The following CHRFAM7A variants were observed in gnomAD, a reference collection of about 807,000 sequenced individuals.
CHRFAM7A encodes the protein CHRNA7-FAM7A fusion protein.
A neutral mutation model predicts 29.2 loss-of-function variants in CHRFAM7A; 3 were observed. That is an observed-to-expected ratio of 0.10 (90% CI 0.05 to 0.27). The LOEUF (loss-of-function observed/expected upper bound fraction) is 0.27. Ranked by LOEUF, CHRFAM7A falls within the 10% of genes least tolerant of loss-of-function variation. The pLI is 1.00. For synonymous variants in CHRFAM7A, 7 were observed against 135.4 expected (o/e 0.05, Z 6.58); for missense variants, 22 against 328.0 (o/e 0.07, Z 7.21).
At chr15:30,367,339 T>C (rs1473972282) in intron 9 of CHRFAM7A, 79 bp downstream of exon 9, 1 of 1,522,898 alleles carries the variant, frequency 6.6e-7, no homozygotes, top group African/African-American at 1.4e-5. Context: ...CCGTTTTTTG[T>C]GTGATTTTAA....
At chr15:30,376,124 G>GGTGTGTGT (rs112532606) in intron 5 of CHRFAM7A, among the ~76,000 whole-genome samples, 5 of 147,582 alleles carry the variant, frequency 3.4e-5, no homozygotes, top group African/African-American at 1.0e-4. Flanking sequence ...AGTACTGAGT[G>GGTGTGTGT]GTGTGTGTGT....
chr15:30,367,017 C>T (rs2058792343), intron 9 of CHRFAM7A, among the ~76,000 whole-genome samples: 2 of 149,322 alleles, frequency 1.3e-5, no homozygotes, highest in African/African-American at 2.5e-5. Context: ...GGAACAATGG[C>T]TCACACCTGT....
At chr15:30,377,562 G>A (rs927228872) in intron 4 of CHRFAM7A, among the ~76,000 whole-genome samples, 3 of 93,226 alleles carry the variant, frequency 3.2e-5, no homozygotes, top group African/African-American at 1.0e-4. Flanking sequence ...CTTGGTTTGT[G>A]CTTCACATAT....
In CHRFAM7A at chr15:30,363,158, C is replaced by T. The variant is rs1442692378; in HGVS notation, c.721-347G>A. Among the ~76,000 whole-genome samples the T allele has an allele frequency of 1.1e-4, 16 of 149,366 alleles. No individual in the cohort carries two copies. The East Asian group carries it at 1.6e-3, about 15-fold the overall frequency. On this transcript the variant is annotated intron_variant, in intron 9 of 9. Transcript: ENST00000299847. The stretch of plus-strand genomic sequence containing the variant: ...CTCTGATCCTTCCTCATCTGTAACC[C>T]GGGGACCTTCAGATCTAACTCTGGC...
chr15:30,378,023 G>A lies in CHRFAM7A; in HGVS notation c.81-914C>T, dbSNP rs954590051. Among the ~76,000 whole-genome samples the A allele has an allele frequency of 4.4e-4, 33 of 74,878 alleles. 3 individuals are homozygous for A. The East Asian group carries it at 0.011, about 24-fold the overall frequency. 49.1% of individuals were successfully genotyped at this position (74,878 alleles called of 152,430 possible). On this transcript the variant is annotated intron_variant, in intron 4 of 9. Coordinates refer to ENST00000299847, the MANE Select transcript of CHRFAM7A (RefSeq NM_139320.2). The stretch of plus-strand genomic sequence containing the variant: ...AACACATTGACTGGGATTATCTATT[G>A]ATACAATGTTTTTTTAAGAGTATTT...
At chr15:30,376,017 G>A (rs1156506443) in intron 5 of CHRFAM7A, among the ~76,000 whole-genome samples, 1 of 152,056 alleles carries the variant, frequency 6.6e-6, no homozygotes, top group Admixed American at 6.5e-5. Context: ...TGAGTGGTGT[G>A]TGTGATTGTG....
At chr15:30,370,750 CTG>C (rs1482904149) in intron 8 of CHRFAM7A, among the ~76,000 whole-genome samples, 1 of 130,240 alleles carries the variant, frequency 7.7e-6, no homozygotes, top group Non-Finnish European at 1.6e-5. Context: ...GACACAGTAA[CTG>C]TGTGCTTCTC....
At chr15:30,375,929 TGAGTCG>T (rs2058926949) in intron 5 of CHRFAM7A, among the ~76,000 whole-genome samples, 1 of 19,198 alleles carries the variant, frequency 5.2e-5, no homozygotes, top group African/African-American at 1.6e-4. Context: ...GTGTGTGTGT[TGAGTCG>T]TGTGGGTGGT....
chr15:30,371,599 A>C (rs1241828387), intron 7 of CHRFAM7A, among the ~76,000 whole-genome samples: 1 of 149,820 alleles, frequency 6.7e-6, no homozygotes, highest in East Asian at 1.9e-4. Flanking sequence ...TACAACATTC[A>C]ACCTTTCTGA....
At chr15:30,375,838 C>T (rs1301821614) in intron 5 of CHRFAM7A, among the ~76,000 whole-genome samples, 1 of 104,818 alleles carries the variant, frequency 9.5e-6, no homozygotes, top group Admixed American at 9.3e-5. Context: ...AGTGTTGAGT[C>T]GTGTGGGTGG....
At chr15:30,376,104 GGT>G (rs767164996) in intron 5 of CHRFAM7A, among the ~76,000 whole-genome samples, 6 of 150,302 alleles carry the variant, frequency 4.0e-5, no homozygotes, top group Non-Finnish European at 5.9e-5. Flanking sequence ...TGGTGTGAGT[GGT>G]GTGTGTGAGT....
At chr15:30,368,935 CA>C (rs972963755) in intron 8 of CHRFAM7A, among the ~76,000 whole-genome samples, 4 of 124,632 alleles carry the variant, frequency 3.2e-5, no homozygotes, top group South Asian at 2.8e-4. Flanking sequence ...CAGGTGGTGT[CA>C]GGACTGAAGT....
At chr15:30,373,590 T>C (rs2058889969) in intron 5 of CHRFAM7A, among the ~76,000 whole-genome samples, 1 of 124,870 alleles carries the variant, frequency 8.0e-6, no homozygotes, top group African/African-American at 2.9e-5. Context: ...AGGTTAAAAA[T>C]GGGAAGAACA....
At chr15:30,368,289 C>T (rs1415781909) in intron 8 of CHRFAM7A, among the ~76,000 whole-genome samples, 3 of 148,158 alleles carry the variant, frequency 2.0e-5, no homozygotes, top group African/African-American at 5.0e-5. Context: ...GTCTTCCTCC[C>T]ATTTCCTGGC....
intron 4 of CHRFAM7A, among the ~76,000 whole-genome samples, chr15:30,377,552 C>G (rs1285751230): frequency 8.2e-6 from 1 of 121,540 alleles, no homozygotes; most frequent in African/African-American, 3.0e-5. Context: ...CGGACCCACA[C>G]TTGGTTTGTG....
In CHRFAM7A at chr15:30,374,735, A is replaced by G. The variant is rs201074366; in HGVS notation, c.161-1590T>C. Among the ~76,000 whole-genome samples the G allele has an allele frequency of 9.7e-3, 1,192 of 122,890 alleles. 46 individuals are homozygous for G. Among genetic ancestry groups the G allele is most frequent in the East Asian group, 0.084 (326 of 3,898 alleles). The allele number at this position is 122,890 out of a possible 152,430, so 80.6% of individuals were successfully genotyped here. ...TTGAATCATGTACTTAAAATGCATG[A>G]TATGTAAATTCTCTCTCAATAAAGC... On this transcript the variant is annotated intron_variant, in intron 5 of 9. Transcript: ENST00000299847.
chr15:30,377,681 C>T (rs1887673467), intron 4 of CHRFAM7A, among the ~76,000 whole-genome samples: 1 of 140,568 alleles, frequency 7.1e-6, no homozygotes, highest in Non-Finnish European at 1.5e-5. Context: ...TTCATGTCAT[C>T]CTCCTGCCTC....
At chr15:30,367,049 TGAG>T (rs1301629176) in intron 9 of CHRFAM7A, among the ~76,000 whole-genome samples, 14 of 149,670 alleles carry the variant, frequency 9.4e-5, no homozygotes, top group Admixed American at 4.8e-4. Flanking sequence ...TTTGGGAGGC[TGAG>T]GTGGGCAGAT....
At chr15:30,375,935 G>A (rs111067676) in intron 5 of CHRFAM7A, among the ~76,000 whole-genome samples, 18 of 23,420 alleles carry the variant, frequency 7.7e-4, no homozygotes, top group African/African-American at 2.2e-3. Context: ...GTGTTGAGTC[G>A]TGTGGGTGGT....
Sources: gnomAD v4.1 joint callset for allele counts (sites outside exome capture counted in the v4.1 genomes callset) on GRCh38, gnomAD v4.1.1 for gene constraint, MANE v1.5 for transcripts, NCBI Gene and HGNC (gene_info 2026-07-23, HGNC 2026-07-21) for gene names.